ERC2: variants seen among roughly 807,000 people sequenced by gnomAD.
ERC2 encodes the protein ELKS/RAB6-interacting/CAST family member 2, also known as ERC protein 2.
Under a neutral mutation model 114.8 loss-of-function variants are expected in ERC2, and 42 were observed. The ratio of observed to expected loss-of-function variants is 0.37; its 90% confidence interval spans 0.29 to 0.47. The LOEUF is 0.47. Ranked by LOEUF, ERC2 falls within the 20% of genes least tolerant of loss-of-function variation. ERC2 has a pLI of 0.99. For synonymous variants in ERC2, 454 were observed against 425.5 expected (o/e 1.07, Z -0.82); for missense variants, 939 against 1,150.7 (o/e 0.82, Z 2.66).
At chr3:56,466,122 T>C (rs914789426) in intron 1 of ERC2, among the ~76,000 whole-genome samples, 4 of 152,258 alleles carry the variant, frequency 2.6e-5, no homozygotes. Context: ...AAAAAGATAA[T>C]GCATATAAAG....
At chr3:56,385,634 A>G (rs2059909783) in intron 2 of ERC2, among the ~76,000 whole-genome samples, 1 of 152,176 alleles carries the variant, frequency 6.6e-6, no homozygotes, top group Admixed American at 6.5e-5. Context: ...AAATATCCAC[A>G]TGGCCATTTG....
In ERC2 at chr3:56,261,007, A is replaced by G. The variant is rs2052884207; in HGVS notation, c.1074+35012T>C. On this transcript the variant is annotated intron_variant, in intron 3 of 17. Coordinates refer to ENST00000288221, the MANE Select transcript of ERC2 (RefSeq NM_015576.3). ...CCTTGGTTGCACTAGCCACTGTTCA[A>G]GTGTTCAAGAGTCACACGCGACTGT... Among the ~76,000 whole-genome samples, 2 of 152,244 alleles carry G rather than the reference A, an allele frequency of 1.3e-5. 1 individual carries two copies. Among genetic ancestry groups the G allele is most frequent in the Non-Finnish European group, 2.9e-5 (2 of 68,046 alleles).
rs143089308 is a variant in ERC2 at position 56,412,421 on chromosome 3, A to G, written c.657+21930T>C. Among the ~76,000 whole-genome samples, 219 of 152,380 alleles carry G rather than the reference A, an allele frequency of 1.4e-3. 3 individuals carry two copies. The East Asian group carries it at 0.036, about 25-fold the overall frequency. On this transcript the variant is annotated intron_variant, in intron 2 of 17. Coordinates refer to ENST00000288221, the MANE Select transcript of ERC2 (RefSeq NM_015576.3). ...GAGTCATGGATCAAAATCCTTCAGC[A>G]GAAATCCACATCCCCACTCTACAGA... is the stretch of plus-strand genomic sequence containing the variant.
intron 6 of ERC2, among the ~76,000 whole-genome samples, chr3:56,090,822 T>C (rs1328703840): frequency 1.3e-5 from 2 of 152,008 alleles, no homozygotes; most frequent in Non-Finnish European, 2.9e-5. Flanking sequence ...TTTCTAGCTT[T>C]GTCCACTGTA....
chr3:55,981,065 G>A (rs2070091535), intron 12 of ERC2, among the ~76,000 whole-genome samples: 1 of 152,220 alleles, frequency 6.6e-6, no homozygotes, highest in African/African-American at 2.4e-5. Context: ...GTCATGGCAA[G>A]TCCCACCAAG....
intron 3 of ERC2, among the ~76,000 whole-genome samples, chr3:56,255,166 T>C (rs1283902740): frequency 6.6e-6 from 1 of 152,234 alleles, no homozygotes; most frequent in Non-Finnish European, 1.5e-5. Context: ...CATCTTTTCA[T>C]CTACCTCTAA....
chr3:55,684,033 A>G (rs149971048), intron 16 of ERC2, among the ~76,000 whole-genome samples, 174 bp from the exon 17 acceptor site: 14 of 152,248 alleles, frequency 9.2e-5, no homozygotes, highest in Non-Finnish European at 1.5e-4. Flanking sequence ...CACATCACCG[A>G]CTTGTCAAAT....
intron 14 of ERC2, among the ~76,000 whole-genome samples, chr3:55,754,926 CA>C (rs2066953663): frequency 6.6e-6 from 1 of 152,136 alleles, no homozygotes; most frequent in African/African-American, 2.4e-5. Flanking sequence ...GTGACAGCTG[CA>C]TTCTTTAGGT....
intron 10 of ERC2, among the ~76,000 whole-genome samples, chr3:55,995,170 TA>T (rs2149531903): frequency 6.6e-6 from 1 of 152,188 alleles, no homozygotes; most frequent in African/African-American, 2.4e-5. Context: ...CCATCTCTAC[TA>T]AAAATACAAA....
At chr3:55,826,343 TC>T (rs762477306) in intron 14 of ERC2, among the ~76,000 whole-genome samples, 1 of 152,198 alleles carries the variant, frequency 6.6e-6, no homozygotes, top group Non-Finnish European at 1.5e-5. Flanking sequence ...GAATTAGGGC[TC>T]CAGCTGACCT....
chr3:55,679,922 G>A (rs2061980769), intron 17 of ERC2, among the ~76,000 whole-genome samples: 1 of 152,184 alleles, frequency 6.6e-6, no homozygotes, highest in Non-Finnish European at 1.5e-5. Context: ...AGGCAAGTCA[G>A]ACCTGAACTT....
chr3:55,876,811 C>T (rs1321258706), intron 14 of ERC2, among the ~76,000 whole-genome samples: 1 of 152,118 alleles, frequency 6.6e-6, no homozygotes, highest in African/African-American at 2.4e-5. Flanking sequence ...AGTTCCATCC[C>T]CTGAGGATTT....
At chr3:56,413,192 C>G (rs1244717599) in intron 2 of ERC2, among the ~76,000 whole-genome samples, 1 of 152,228 alleles carries the variant, frequency 6.6e-6, no homozygotes, top group Non-Finnish European at 1.5e-5. Context: ...CAAGGCAAGC[C>G]AGCCCCAAGC....
intron 3 of ERC2, among the ~76,000 whole-genome samples, chr3:56,267,374 G>T (rs559715406): frequency 1.3e-5 from 2 of 152,140 alleles, no homozygotes; most frequent in Admixed American, 6.6e-5. Flanking sequence ...GAAAGAAAAA[G>T]GCTACATGAT....
At chr3:55,683,280 A>G (rs1016380215) in intron 17 of ERC2, among the ~76,000 whole-genome samples, 7 of 152,242 alleles carry the variant, frequency 4.6e-5, no homozygotes, top group African/African-American at 1.4e-4. Context: ...TAGAAGAGAT[A>G]GCACAATCCA....
At chr3:55,557,357 A>G (rs1037984549) in intron 17 of ERC2, among the ~76,000 whole-genome samples, 1 of 152,350 alleles carries the variant, frequency 6.6e-6, no homozygotes, top group South Asian at 2.1e-4. Flanking sequence ...GGAATTCTGC[A>G]GGGTCCTGGC....
chr3:55,770,479 G>A (rs553375380), intron 14 of ERC2, among the ~76,000 whole-genome samples: 8 of 152,272 alleles, frequency 5.3e-5, no homozygotes, highest in African/African-American at 1.9e-4. Flanking sequence ...AAATCAACTG[G>A]AACAGAGGAG....
chr3:55,580,465 C>T (rs192031294), intron 17 of ERC2, among the ~76,000 whole-genome samples: 1 of 152,278 alleles, frequency 6.6e-6, no homozygotes, highest in Admixed American at 6.5e-5. Flanking sequence ...GAAATCACTG[C>T]CTGGATCAGG....
At chr3:56,291,909 A>G (rs1199606206) in intron 3 of ERC2, among the ~76,000 whole-genome samples, 1 of 152,170 alleles carries the variant, frequency 6.6e-6, no homozygotes, top group Non-Finnish European at 1.5e-5. Flanking sequence ...TTTGCCTTAT[A>G]AAATAACTAA....
Sources: gnomAD v4.1 joint callset for allele counts (sites outside exome capture counted in the v4.1 genomes callset) on GRCh38, gnomAD v4.1.1 for gene constraint, MANE v1.5 for transcripts, NCBI Gene and HGNC (gene_info 2026-07-23, HGNC 2026-07-21) for gene names.